The following CCDC187 variants were observed in gnomAD, a reference collection of about 807,000 sequenced individuals.
CCDC187 encodes the protein coiled-coil domain-containing protein 187.
Under a neutral mutation model 38.0 loss-of-function variants are expected in CCDC187, and 32 were observed. The ratio of observed to expected loss-of-function variants is 0.84; its 90% CI spans 0.64 to 1.13. CCDC187 has a LOEUF of 1.13. CCDC187 is among the 50% of genes most tolerant of loss of function. The pLI, the probability that CCDC187 is intolerant of heterozygous loss-of-function variation, is 0.00. For missense variants in CCDC187, 707 were observed against 786.8 expected, an observed-to-expected ratio of 0.90 and a Z score of 1.21; for synonymous variants, 333 against 347.9, an observed-to-expected ratio of 0.96 and a Z score of 0.48.
chr9:136,262,574 G>A, intron 18 of CCDC187, 112 bp from the exon 19 acceptor site: 4 of 890,844 alleles, frequency 4.5e-6, no homozygotes, highest in Non-Finnish European at 5.4e-6. Context: ...GGCAGTGCCG[G>A]GGCTGCTTGC....
rs1035983362 is a variant in CCDC187, at chr9:136,290,994, C to G, written c.1619G>C (p.Cys540Ser). The G allele has an allele frequency of 1.5e-5, 6 of 398,606 alleles. No individual in the cohort carries two copies. The highest frequency in any genetic ancestry group is 2.1e-5 in the African/African-American group (1 of 48,642). 24.7% of individuals were successfully genotyped at this position (398,606 alleles called of 1,614,324 possible). Residue 540 changes from cysteine (C) to serine (S), a missense_variant, in exon 6 of 26, where the codon TGT becomes TCT. Physicochemically the swap from Cys to Ser is moderately radical, Grantham distance 112. Transcript: ENST00000638797. ...QPWSAVATQP[C>S]PRRAWTACET... Reference sequence around the variant, plus strand: ...ACAGGCAGTCCAGGCCCTCCGTGGACAGGGCTGTGTGGCTACAGCACTCCA... The same window carrying G: ...ACAGGCAGTCCAGGCCCTCCGTGGAGAGGGCTGTGTGGCTACAGCACTCCA...
intron 4 of CCDC187, among the ~76,000 whole-genome samples, chr9:136,297,071 C>T (rs1224734275): frequency 1.3e-5 from 2 of 152,078 alleles, no homozygotes; most frequent in African/African-American, 4.8e-5. Flanking sequence ...CTCGGCCAAG[C>T]GTGCCCTGAG....
intron 18 of CCDC187, 73 bp downstream of exon 18, chr9:136,263,549 A>T: frequency 1.0e-6 from 1 of 972,518 alleles, no homozygotes; most frequent in Non-Finnish European, 1.2e-6. Flanking sequence ...GCATTTTTAC[A>T]AGGGACTTGC....
intron 25 of CCDC187, among the ~76,000 whole-genome samples, chr9:136,255,339 G>A (rs1439433766): frequency 1.3e-5 from 2 of 152,050 alleles, no homozygotes; most frequent in South Asian, 2.1e-4. Context: ...AATGAGTCAT[G>A]TCCAGGGGCC....
Position 136,287,020 on chromosome 9 carries a change from C to T in CCDC187, c.2223-325G>A, listed in dbSNP as rs1286817982. Among the ~76,000 whole-genome samples the T allele has an allele frequency of 2.6e-5, 4 of 152,320 alleles. No homozygotes were observed. In the East Asian group the frequency reaches 5.8e-4, roughly 22 times the overall value. On this transcript the variant is annotated intron_variant, in intron 7 of 25. Transcript: ENST00000638797. ...GGTCTGGCAAGTCTGCCTCTGGCCA[C>T]GCACCCAGAAGAGCTGAAGTCAGAG...
rs1830575557 is a variant in CCDC187, at chr9:136,253,612, CCCCTGGGG to C, written c.6208_6215del (p.Pro2070ValfsTer21). 1.0e-6 allele frequency: 1 copy of C among 985,478 alleles called. No individual in the cohort carries two copies. Among genetic ancestry groups the C allele is most frequent in the African/African-American group, 1.7e-5 (1 of 57,244 alleles). The allele number at this position is 985,478 out of a possible 1,614,324, so 61.0% of individuals were successfully genotyped here. A position where few individuals can be genotyped will look rare whatever the true frequency, so the allele number is the denominator to read the frequency against. Reference sequence around the variant, plus strand: ...GCCCCAACTACTGGGTTCCCGCCGACCCCTGGGGCCCAGGAAACAGTCCCTCCGGCAGA... The same window carrying C: ...GCCCCAACTACTGGGTTCCCGCCGACCCCAGGAAACAGTCCCTCCGGCAGA... On this transcript the variant is annotated frameshift_variant, in exon 26 of 26. Coordinates refer to ENST00000638797, the MANE Select transcript of CCDC187 (RefSeq NM_001378188.1). LOFTEE classifies it high-confidence loss of function.
At chr9:136,275,566 C>T (rs948655943) in intron 12 of CCDC187, among the ~76,000 whole-genome samples, 5 of 152,172 alleles carry the variant, frequency 3.3e-5, no homozygotes, top group African/African-American at 1.2e-4. Context: ...TTCCCACCAT[C>T]GACCCCTGAA....
chr9:136,268,674 G>GA (rs141311747), intron 14 of CCDC187, among the ~76,000 whole-genome samples: 1 of 152,090 alleles, frequency 6.6e-6, no homozygotes, highest in Non-Finnish European at 1.5e-5. Context: ...TGCAACAACT[G>GA]AAAAAATCAC....
intron 4 of CCDC187, among the ~76,000 whole-genome samples, chr9:136,293,637 C>T (rs1299561159): frequency 1.3e-5 from 2 of 152,096 alleles, no homozygotes; most frequent in Non-Finnish European, 2.9e-5. Flanking sequence ...CAGGCACTCG[C>T]ATGCTCACAC....
In CCDC187 at chr9:136,254,808, A is replaced by G. The variant is rs201176972; in HGVS notation, c.5020T>C (p.Ser1674Pro). 2.3e-5 allele frequency: 23 copies of G among 985,428 alleles called. 1 individual carries two copies. The East Asian group carries it at 2.0e-3, about 88-fold the overall frequency. 61.0% of individuals were successfully genotyped at this position (985,428 alleles called of 1,614,324 possible). ...WPGELSARHS[S>P]GEAGLPLSWR... ...GACAAAGGCAGGCCAGCTTCCCCCGAGGAGTGTCGGGCAGAGAGCTCTCCA... is the reference window on the plus strand; with the variant it reads ...GACAAAGGCAGGCCAGCTTCCCCCGGGGAGTGTCGGGCAGAGAGCTCTCCA... Residue 1674 changes from serine to proline, a missense_variant, in exon 26 of 26, where the codon TCG becomes CCG. Physicochemically the swap from Ser to Pro is moderately conservative, Grantham distance 74. Coordinates refer to ENST00000638797, the MANE Select transcript of CCDC187 (RefSeq NM_001378188.1).
rs1474379221 is a variant in CCDC187 at position 136,290,798 on chromosome 9, G to C, written c.1815C>G (p.Thr605=). ...CAAGTGGGTTCTGAGGGAAGCTCCC[G>C]GTGGGCCTTGGCAGGGCATGCTTGG... ...SAAKHALPRP[T]GSFPQNPLGK... is the part of the protein sequence containing the mutation. Residue 605 remains threonine, a synonymous_variant, in exon 6 of 26, where the codon ACC becomes ACG. Coordinates refer to ENST00000638797, the MANE Select transcript of CCDC187 (RefSeq NM_001378188.1). The C allele has an allele frequency of 5.0e-6, 2 of 398,554 alleles. No individual in the cohort carries two copies. Among genetic ancestry groups the C allele is most frequent in the Non-Finnish European group, 4.4e-6 (1 of 225,990 alleles). 24.7% of individuals were successfully genotyped at this position (398,554 alleles called of 1,614,324 possible).
intron 19 of CCDC187, 22 bp downstream of exon 19, chr9:136,262,289 C>T: frequency 1.0e-6 from 1 of 985,872 alleles, no homozygotes; most frequent in Non-Finnish European, 1.2e-6. Flanking sequence ...GACCCCCGAC[C>T]CCCTAAGACC....
intron 2 of CCDC187, 75 bp from the exon 3 acceptor site, chr9:136,300,393 T>C (rs1831649100): frequency 7.6e-6 from 3 of 396,932 alleles, no homozygotes; most frequent in Admixed American, 4.4e-5. Flanking sequence ...AGGTTCCAGT[T>C]TGGCAGCAGC....
chr9:136,284,997 A>C (rs1347192073), intron 9 of CCDC187, among the ~76,000 whole-genome samples: 2 of 151,974 alleles, frequency 1.3e-5, no homozygotes, highest in African/African-American at 4.8e-5. Flanking sequence ...AGTTGGGCTG[A>C]GAGGGGCCTG....
intron 10 of CCDC187, among the ~76,000 whole-genome samples, chr9:136,279,014 A>G (rs1830986211): frequency 6.6e-6 from 1 of 152,270 alleles, no homozygotes; most frequent in African/African-American, 2.4e-5. Context: ...TAAGTCTAGA[A>G]GCTTCCATTG....
chr9:136,287,081 T>C (rs893695402), intron 7 of CCDC187, among the ~76,000 whole-genome samples: 2 of 152,166 alleles, frequency 1.3e-5, no homozygotes, highest in South Asian at 2.1e-4. Flanking sequence ...AGCAGCCTTA[T>C]TCACAACAGC....
intron 10 of CCDC187, among the ~76,000 whole-genome samples, chr9:136,279,984 G>A (rs1194321831): frequency 1.3e-5 from 2 of 152,210 alleles, no homozygotes; most frequent in African/African-American, 4.8e-5. Flanking sequence ...GCCAGACACC[G>A]GCATCTTGTT....
At position 136,251,303 on chromosome 9, in the gene CCDC187, A is replaced by T. The variant is rs1830532859; in HGVS notation, c.*2291T>A. ...TCAGCTGCCCTGGCCTTCCAGGCAC[A>T]GCAAGTCCTGAGCATGCTCCAGAAG... On this transcript the variant is annotated 3_prime_UTR_variant, in exon 26 of 26. Transcript: ENST00000638797. 1 of 333,916 alleles carries T rather than the reference A, an allele frequency of 3.0e-6. No individual in the cohort carries two copies. Among genetic ancestry groups the T allele is most frequent in the Non-Finnish European group, 6.0e-6 (1 of 167,608 alleles). 20.7% of individuals were successfully genotyped at this position (333,916 alleles called of 1,614,324 possible).
At chr9:136,265,827 G>T in intron 17 of CCDC187, 129 bp downstream of exon 17, 1 of 331,858 alleles carries the variant, frequency 3.0e-6, no homozygotes, top group Non-Finnish European at 4.3e-6. Context: ...GTATGGCCCT[G>T]GAGGGTGGCA....
Sources: allele counts gnomAD v4.1 joint callset (sites outside exome capture counted in the v4.1 genomes callset), GRCh38; gene constraint gnomAD v4.1.1; transcripts MANE v1.5; gene names NCBI Gene and HGNC (gene_info 2026-07-23, HGNC 2026-07-21).